TNN: variants seen among roughly 807,000 people sequenced by gnomAD.
The protein encoded by TNN is tenascin N, also known as tenascin-N.
A neutral mutation model predicts 134.4 loss-of-function variants in TNN; 122 were observed. That is an observed-to-expected ratio of 0.91 (90% CI 0.78 to 1.06). The LOEUF (loss-of-function observed/expected upper bound fraction) is 1.06, where lower values mean the gene tolerates loss of function less well. Ranked by LOEUF, TNN falls within the 50% of genes least tolerant of loss-of-function variation. The pLI is 0.00. For synonymous variants in TNN, 710 were observed against 670.3 expected, an observed-to-expected ratio of 1.06 and a Z score of -0.91; for missense variants, 1,739 against 1,699.4, an observed-to-expected ratio of 1.02 and a Z score of -0.41.
In TNN at chr1:175,119,697, C is replaced by T. The variant is rs751539668; in HGVS notation, c.2650+873C>T. Among the ~76,000 whole-genome samples, 266 of 143,838 alleles carry T rather than the reference C, an allele frequency of 1.8e-3. 1 individual carries two copies. Among genetic ancestry groups the T allele is most frequent in the Non-Finnish European group, 3.0e-3 (204 of 67,098 alleles). 94.4% of individuals were successfully genotyped at this position (143,838 alleles called of 152,430 possible). A position where few individuals can be genotyped will look rare whatever the true frequency, so the allele number is the denominator to read the frequency against. On this transcript the variant is annotated intron_variant, in intron 11 of 18. Coordinates refer to ENST00000239462, the MANE Select transcript of TNN (RefSeq NM_022093.2). ...TCGCCCAGGCTGGAGTGCAGTGGCG[C>T]TATCTCGGCTCACTGCAAGCTCCGC...
At chr1:175,079,977 T>TGC (rs1674161038) in intron 3 of TNN, among the ~76,000 whole-genome samples, 186 bp from the exon 4 acceptor site, 1 of 151,674 alleles carries the variant, frequency 6.6e-6, no homozygotes, top group African/African-American at 2.4e-5. Flanking sequence ...AGTGTGTGTG[T>TGC]GTGTGTGGTG....
At chr1:175,080,495 ACAC>A (rs2149427460) in intron 4 of TNN, 69 bp downstream of exon 4, 6 of 1,584,162 alleles carry the variant, frequency 3.8e-6, no homozygotes, top group Non-Finnish European at 5.2e-6. Flanking sequence ...CTTTCATTAA[ACAC>A]CTGTAGGCAG....
At chr1:175,081,816 G>T (rs12691475) in intron 4 of TNN, among the ~76,000 whole-genome samples, 8 of 151,976 alleles carry the variant, frequency 5.3e-5, no homozygotes, top group African/African-American at 1.5e-4. Flanking sequence ...TAGGTAATTT[G>T]GGGGAAGGTG....
chr1:175,123,550 A>G lies in TNN; in HGVS notation c.2801A>G (p.Glu934Gly), dbSNP rs183844245. Residue 934 changes from glutamate (E) to glycine (G), a missense_variant, in exon 12 of 19, where the codon GAG (glutamate) becomes GGG (glycine). Physicochemically the swap from Glu to Gly is moderately conservative, Grantham distance 98. Coordinates refer to ENST00000239462, the MANE Select transcript of TNN (RefSeq NM_022093.2). ...GETREVPVGK[E>G]HSSTVLTGLR... ...ACCAGGGAGGTTCCGGTGGGGAAGG[A>G]GCACAGCAGCACTGTCCTGACGGGC... 42 of 1,614,038 alleles carry G rather than the reference A, an allele frequency of 2.6e-5. 1 individual carries two copies. The African/African-American group carries it at 5.2e-4, about 20-fold the overall frequency.
chr1:175,116,542 T>A (rs1675172035), intron 9 of TNN, among the ~76,000 whole-genome samples: 1 of 152,240 alleles, frequency 6.6e-6, no homozygotes, highest in African/African-American at 2.4e-5. Context: ...AAAGTTTATC[T>A]AACCCAAACC....
At chr1:175,091,286 A>G (rs1377212511) in intron 6 of TNN, among the ~76,000 whole-genome samples, 1 of 152,234 alleles carries the variant, frequency 6.6e-6, no homozygotes, top group Non-Finnish European at 1.5e-5. Flanking sequence ...GGGGGCCAAG[A>G]GCTGTGACTG....
In TNN at chr1:175,128,120, A is replaced by G. The variant is rs1293672917; in HGVS notation, c.3134A>G (p.Lys1045Arg). 6.2e-7 allele frequency: 1 copy of G among 1,613,334 alleles called. No individual in the cohort carries two copies. The highest frequency in any genetic ancestry group is 1.1e-5 in the South Asian group (1 of 91,018). The change falls in exon 14 of 19, where the codon AAG becomes AGG. Residue 1045 changes from lysine (K) to arginine (R), a missense_variant. Lys to Arg is a conservative substitution (Grantham distance 26). Coordinates refer to ENST00000239462, the MANE Select transcript of TNN (RefSeq NM_022093.2). Reference sequence around the variant, plus strand: ...TACCCTGTCTCCCTTGTTGCCTTTAAGGGTGGTCGCCGGAGCAGAAATGTA... The same window carrying G: ...TACCCTGTCTCCCTTGTTGCCTTTAGGGGTGGTCGCCGGAGCAGAAATGTA... ...ATYPVSLVAF[K>R]GGRRSRNVST... is the part of the protein sequence containing the mutation.
chr1:175,074,369 C>T (rs889821336), intron 1 of TNN, among the ~76,000 whole-genome samples: 7 of 151,650 alleles, frequency 4.6e-5, no homozygotes, highest in South Asian at 2.1e-4. Context: ...CCTGTAGTCC[C>T]GGCTACTCAG....
At chr1:175,131,917 TACACACACACACACAC>T (rs3028571) in intron 15 of TNN, among the ~76,000 whole-genome samples, 1 of 136,338 alleles carries the variant, frequency 7.3e-6, no homozygotes, top group East Asian at 2.1e-4. Context: ...GAAGTATTAT[TACACACACACACACAC>T]ACACACACAC....
At chr1:175,104,250 G>A (rs1358458914) in intron 9 of TNN, among the ~76,000 whole-genome samples, 1 of 145,528 alleles carries the variant, frequency 6.9e-6, no homozygotes, top group Non-Finnish European at 1.5e-5. Context: ...GTATCCAGGA[G>A]GAAGTCAATT....
chr1:175,128,496 TA>T, intron 14 of TNN, 98 bp from the exon 15 acceptor site: 1 of 1,401,594 alleles, frequency 7.1e-7, no homozygotes, highest in Non-Finnish European at 9.6e-7. Flanking sequence ...AGTTATGAAA[TA>T]ATTTCCAAAC....
At chr1:175,079,860 G>A (rs971093067) in intron 3 of TNN, among the ~76,000 whole-genome samples, 153 bp downstream of exon 3, 3 of 152,146 alleles carry the variant, frequency 2.0e-5, no homozygotes, top group African/African-American at 7.2e-5. Context: ...TCTGCGATGG[G>A]GCCTAAGAAT....
intron 1 of TNN, among the ~76,000 whole-genome samples, chr1:175,070,114 T>C (rs1361638699): frequency 6.6e-6 from 1 of 152,184 alleles, no homozygotes; most frequent in Admixed American, 6.5e-5. Context: ...TGCATGAGCT[T>C]GGTCCCACAA....
Position 175,128,614 on chromosome 1 carries a change from C to G in TNN, c.3198C>G (p.His1066Gln), listed in dbSNP as rs1276190901. ...TCCCAGTTGGTGCCCGTTTCCCACA[C>G]CCTTCGGACTGCAGTCAGGTTCAGC... Reference protein sequence around the residue: ...TLSTVGARFPHPSDCSQVQQN... With the variant: ...TLSTVGARFPQPSDCSQVQQN... The change falls in exon 15 of 19, where the codon CAC (histidine) becomes CAG (glutamine). Residue 1066 changes from histidine to glutamine, a missense_variant. Transcript: ENST00000239462. 1 of 1,612,442 alleles carries G rather than the reference C, an allele frequency of 6.2e-7. No homozygotes were observed. Among genetic ancestry groups the G allele is most frequent in the African/African-American group, 1.3e-5 (1 of 74,924 alleles).
chr1:175,144,680 C>A, intron 18 of TNN, 130 bp downstream of exon 18: 1 of 1,003,528 alleles, frequency 1.0e-6, no homozygotes, highest in Non-Finnish European at 1.4e-6. Context: ...AGAGCTTCTC[C>A]TCCAGGCTCC....
At chr1:175,108,809 T>C (rs1408096040) in intron 9 of TNN, among the ~76,000 whole-genome samples, 15 of 145,892 alleles carry the variant, frequency 1.0e-4, no homozygotes, top group Admixed American at 8.8e-4. Context: ...GCAAGCACCA[T>C]GTGCAGCCCT....
intron 9 of TNN, among the ~76,000 whole-genome samples, chr1:175,106,589 C>T (rs1674859460): frequency 6.8e-6 from 1 of 146,082 alleles, no homozygotes; most frequent in African/African-American, 2.5e-5. Flanking sequence ...GCGGGTCTAG[C>T]CTCAGAGAAG....
chr1:175,118,540 G>T, intron 10 of TNN, 21 bp from the exon 11 acceptor site: 1 of 1,605,958 alleles, frequency 6.2e-7, no homozygotes, highest in South Asian at 1.1e-5. Context: ...AGTGCATATT[G>T]GTCAGCATTT....
At chr1:175,125,723 TTCTTTCTTTCTTTC>T (rs1222263910) in intron 12 of TNN, among the ~76,000 whole-genome samples, 31 of 103,654 alleles carry the variant, frequency 3.0e-4, no homozygotes, top group African/African-American at 1.4e-3. Context: ...CTTTCTTTCT[TTCTTTCTTTCTTTC>T]TTTCTTTCTT....
Sources: allele counts gnomAD v4.1 joint callset (sites outside exome capture counted in the v4.1 genomes callset), GRCh38; gene constraint gnomAD v4.1.1; transcripts MANE v1.5; gene names NCBI Gene and HGNC (gene_info 2026-07-23, HGNC 2026-07-21).